PCDHGA8: variants seen among roughly 807,000 people sequenced by gnomAD.
PCDHGA8 encodes the protein protocadherin gamma-A8.
A neutral mutation model predicts 59.2 loss-of-function variants in PCDHGA8; 45 were observed. That is an observed-to-expected ratio of 0.76 (90% CI 0.60 to 0.98). The LOEUF (loss-of-function observed/expected upper bound fraction) is 0.98, where lower values mean the gene tolerates loss of function less well. Ranked by LOEUF, PCDHGA8 falls within the 50% of genes least tolerant of loss-of-function variation. The probability of loss-of-function intolerance (pLI) is 0.00; values close to 1 mark genes in which losing one functional copy is unlikely to be tolerated. For synonymous variants in PCDHGA8, 531 were observed against 519.0 expected (o/e 1.02, Z -0.32); for missense variants, 1,257 against 1,196.2 (o/e 1.05, Z -0.75).
intron 3 of PCDHGA8, 43 bp from the exon 4 acceptor site, chr5:141,510,903 GA>G: frequency 6.2e-7 from 1 of 1,613,454 alleles, no homozygotes; most frequent in Non-Finnish European, 8.5e-7. Flanking sequence ...GACTGTTGAG[GA>G]CCCTAAGTTT....
In PCDHGA8 at chr5:141,486,194, C is replaced by A. The variant is rs1248456800; in HGVS notation, c.2425-8613C>A. The A allele has an allele frequency of 6.2e-7, 1 of 1,614,196 alleles. No individual in the cohort carries two copies. Among genetic ancestry groups the A allele is most frequent in the Non-Finnish European group, 8.5e-7 (1 of 1,180,026 alleles). ...ACATTGCAGCCTTCGAGTGGATCTG[C>A]TGGACGTAAATGACAATGCCCCTTA... On this transcript the variant is annotated intron_variant, in intron 1 of 3. Transcript: ENST00000398604. The surrounding 1 kb of genome is among the most constrained non-coding windows in gnomAD (Gnocchi z 5.0).
At chr5:141,462,035 C>T (rs35674654) in intron 1 of PCDHGA8, among the ~76,000 whole-genome samples, 14,886 of 152,176 alleles carry the variant, frequency 0.098, 964 homozygotes, top group Non-Finnish European at 0.14. Context: ...GTTGGTCAGG[C>T]GGGTCTTGAA....
chr5:141,441,136 GA>G (rs1379465827), intron 1 of PCDHGA8: 2 of 152,304 alleles, frequency 1.3e-5, no homozygotes, highest in Middle Eastern at 3.4e-3. Flanking sequence ...CGAATTTCTA[GA>G]AGATAATGAC....
Position 141,490,398 on chromosome 5 carries a change from C to A in PCDHGA8, c.2425-4409C>A. 1 of 1,614,168 alleles carries A rather than the reference C, an allele frequency of 6.2e-7. No homozygotes were observed. Among genetic ancestry groups the A allele is most frequent in the South Asian group, 1.1e-5 (1 of 91,088 alleles). On this transcript the variant is annotated intron_variant, in intron 1 of 3. Coordinates refer to ENST00000398604, the MANE Select transcript of PCDHGA8 (RefSeq NM_032088.2). This position sits in a 1 kb window ranked among gnomAD's most constrained non-coding sequence, Gnocchi z 5.4. ...ACTCAGGTAGAAATGGTGAAGTGAG[C>A]CTTGATATCTCTCCGGACCTGCCAT...
rs202113404 is a variant in PCDHGA8, at chr5:141,414,779, A to G, written c.2424+19542A>G. The G allele has an allele frequency of 4.2e-4, 674 of 1,614,210 alleles. No homozygotes were observed. Among genetic ancestry groups the G allele is most frequent in the Admixed American group, 6.0e-4 (36 of 60,022 alleles). On this transcript the variant is annotated intron_variant, in intron 1 of 3. Transcript: ENST00000398604. ...GAGCAGTTTCATGAGCTACAGATGCAGGTGACAGCCAGCGACAGCGGGGAT... is the reference window on the plus strand; with the variant it reads ...GAGCAGTTTCATGAGCTACAGATGCGGGTGACAGCCAGCGACAGCGGGGAT...
intron 1 of PCDHGA8, among the ~76,000 whole-genome samples, chr5:141,425,059 G>A (rs1056925377): frequency 3.3e-5 from 5 of 152,110 alleles, no homozygotes; most frequent in Non-Finnish European, 7.4e-5. Flanking sequence ...CTAGGGCTCG[G>A]ACAAAAATAA....
intron 1 of PCDHGA8, among the ~76,000 whole-genome samples, chr5:141,458,248 G>A (rs173682): frequency 3.3e-5 from 5 of 152,112 alleles, no homozygotes; most frequent in African/African-American, 9.7e-5. Flanking sequence ...AAAATGATAC[G>A]GCTCTGATGA....
In PCDHGA8 at chr5:141,423,718, A is replaced by G. The variant is rs1450410707; in HGVS notation, c.2424+28481A>G. The G allele has an allele frequency of 4.8e-6, 5 of 1,049,028 alleles. No homozygotes were observed. In the East Asian group the frequency reaches 2.9e-4, roughly 60 times the overall value. 65.0% of individuals were successfully genotyped at this position (1,049,028 alleles called of 1,614,324 possible). On this transcript the variant is annotated intron_variant, in intron 1 of 3. Coordinates refer to ENST00000398604, the MANE Select transcript of PCDHGA8 (RefSeq NM_032088.2). The stretch of plus-strand genomic sequence containing the variant: ...GTGTCTTGGCACAAGTCTTTTAAGG[A>G]GATGTTTTTTGAGCCTGTTATGAAA...
chr5:141,427,817 G>A, intron 1 of PCDHGA8: 2 of 1,528,134 alleles, frequency 1.3e-6, no homozygotes, highest in Non-Finnish European at 1.8e-6. Flanking sequence ...AGAGCGGGGT[G>A]GTGGTCGCGC....
chr5:141,478,711 T>A, intron 1 of PCDHGA8: 1 of 1,547,346 alleles, frequency 6.5e-7, no homozygotes, highest in Non-Finnish European at 8.7e-7. Flanking sequence ...CTTTGTGAGA[T>A]GGTGGCCTGC....
In PCDHGA8 at chr5:141,395,253, T is replaced by G. The variant is rs765397414; in HGVS notation, c.2424+16T>G. On this transcript the variant is annotated intron_variant, in intron 1 of 3. Transcript: ENST00000398604. Reference sequence around the variant, plus strand: ...TCATGGTCAGGTGAGTTTAGTTCTTTGCTTGCTTTTAATTTCCAGATGAAT... The same window carrying G: ...TCATGGTCAGGTGAGTTTAGTTCTTGGCTTGCTTTTAATTTCCAGATGAAT... 6.4e-7 allele frequency: 1 copy of G among 1,557,696 alleles called. No individual in the cohort carries two copies. The highest frequency in any genetic ancestry group is 2.0e-5 in the Admixed American group (1 of 49,588).
At position 141,431,468 on chromosome 5, in the gene PCDHGA8, G is replaced by A. The variant is rs756718016; in HGVS notation, c.2424+36231G>A. ...CCGCGTGATGGTTCTGGATGCGAAC[G>A]ACAACGCACCAGCGTTTGCTCAGCC... On this transcript the variant is annotated intron_variant, in intron 1 of 3. Transcript: ENST00000398604. This position sits in a 1 kb window ranked among gnomAD's most constrained non-coding sequence, Gnocchi z 4.8. The A allele has an allele frequency of 3.7e-6, 6 of 1,613,804 alleles. No homozygotes were observed. In the Admixed American group the frequency reaches 8.3e-5, roughly 22 times the overall value.
chr5:141,458,825 C>A (rs1417477907), intron 1 of PCDHGA8, among the ~76,000 whole-genome samples: 1 of 152,102 alleles, frequency 6.6e-6, no homozygotes, highest in Non-Finnish European at 1.5e-5. Context: ...CTCTGCCTCC[C>A]AGGCTCAAGT....
intron 1 of PCDHGA8, among the ~76,000 whole-genome samples, chr5:141,437,486 G>A (rs530079212): frequency 2.6e-5 from 4 of 152,224 alleles, no homozygotes; most frequent in South Asian, 2.1e-4. Flanking sequence ...ATTTAATCTC[G>A]TAGATCACTT....
At chr5:141,423,470 A>G in intron 1 of PCDHGA8, 1 of 1,614,002 alleles carries the variant, frequency 6.2e-7, no homozygotes, top group Non-Finnish European at 8.5e-7. Context: ...GACGGGGTAC[A>G]GGCTTTCCTG....
chr5:141,394,507 C>T lies in PCDHGA8; in HGVS notation c.1694C>T (p.Pro565Leu). 6.2e-7 allele frequency: 1 copy of T among 1,614,214 alleles called. No homozygotes were observed. The highest frequency in any genetic ancestry group is 1.1e-5 in the South Asian group (1 of 91,090). The change falls in exon 1 of 4, where the codon CCC (proline) becomes CTC (leucine). Residue 565 changes from proline (P) to leucine (L), a missense_variant. Physicochemically the swap from Pro to Leu is moderately conservative, Grantham distance 98. Coordinates refer to ENST00000398604, the MANE Select transcript of PCDHGA8 (RefSeq NM_032088.2). ...GACAACGCGCCCGAGATCCTGTACC[C>T]CGCCCTCCCCACAGACGGTTCCACT... ...QNDNAPEILY[P>L]ALPTDGSTGV...
At position 141,477,167 on chromosome 5, in the gene PCDHGA8, G is replaced by A; in HGVS notation, c.2425-17640G>A. On this transcript the variant is annotated intron_variant, in intron 1 of 3. Coordinates refer to ENST00000398604, the MANE Select transcript of PCDHGA8 (RefSeq NM_032088.2). This position sits in a 1 kb window ranked among gnomAD's most constrained non-coding sequence, Gnocchi z 4.9. ...TGTGGATGTGAATGACAACGCCCCGGAGATCACAGTCACCTCCGTGTACAG... is the reference window on the plus strand; with the variant it reads ...TGTGGATGTGAATGACAACGCCCCGAAGATCACAGTCACCTCCGTGTACAG... 6.2e-7 allele frequency: 1 copy of A among 1,614,166 alleles called. No homozygotes were observed. Among genetic ancestry groups the A allele is most frequent in the South Asian group, 1.1e-5 (1 of 91,076 alleles).
intron 2 of PCDHGA8, 22 bp downstream of exon 2, chr5:141,494,887 C>T (rs116522768): frequency 0.014 from 22,125 of 1,614,118 alleles, 208 homozygotes; most frequent in Middle Eastern, 0.021. Context: ...ATTCTCCAGC[C>T]CACCCTCTTC....
At chr5:141,495,278 C>A (rs2099760057) in intron 2 of PCDHGA8, among the ~76,000 whole-genome samples, 1 of 152,174 alleles carries the variant, frequency 6.6e-6, no homozygotes, top group Non-Finnish European at 1.5e-5. Context: ...CCGGAGGAGG[C>A]GGTCCGCACT....
Sources: gnomAD v4.1 joint callset for allele counts (sites outside exome capture counted in the v4.1 genomes callset) on GRCh38, gnomAD v4.1.1 for gene constraint, Gnocchi (gnomAD v3.1) non-coding constraint, MANE v1.5 for transcripts, NCBI Gene and HGNC (gene_info 2026-07-23, HGNC 2026-07-21) for gene names.